The following IL17RE variants were observed in gnomAD, a reference collection of about 807,000 sequenced individuals.
IL17RE encodes the protein interleukin-17 receptor E.
A neutral mutation model predicts 70.7 loss-of-function variants in IL17RE; 47 were observed. The observed-to-expected ratio is 0.67, with a 90% CI of 0.53 to 0.85. The LOEUF (loss-of-function observed/expected upper bound fraction) is 0.85. Among genes scored for constraint, IL17RE ranks in the 40% least tolerant of loss-of-function variants. The pLI, the probability that IL17RE is intolerant of heterozygous loss-of-function variation, is 0.00. For synonymous variants in IL17RE, 372 were observed against 381.2 expected (o/e 0.98, Z 0.28); for missense variants, 850 against 893.9 (o/e 0.95, Z 0.63).
At chr3:9,908,606 G>A (rs959697727) in intron 7 of IL17RE, among the ~76,000 whole-genome samples, 2 of 152,238 alleles carry the variant, frequency 1.3e-5, no homozygotes, top group African/African-American at 4.8e-5. Flanking sequence ...TGTCATTGCT[G>A]TGTGTTCTGA....
At chr3:9,905,094 C>CAAAAAAAAAAAAAAAA (rs71626946) in intron 3 of IL17RE, among the ~76,000 whole-genome samples, 3 of 56,156 alleles carry the variant, frequency 5.3e-5, no homozygotes, top group African/African-American at 2.1e-4. Flanking sequence ...GACCCTGTCT[C>CAAAAAAAAAAAAAAAA]AAAAAAAAAA....
At chr3:9,903,147 C>T (rs967211809) in intron 1 of IL17RE, 83 bp downstream of exon 1, 18 of 1,286,642 alleles carry the variant, frequency 1.4e-5, no homozygotes, top group South Asian at 6.3e-5. Context: ...GTGCTACCTC[C>T]GCAGTCCCTG....
At chr3:9,907,516 G>A (rs1485199665) in intron 6 of IL17RE, among the ~76,000 whole-genome samples, 6 of 152,180 alleles carry the variant, frequency 3.9e-5, no homozygotes, top group African/African-American at 1.4e-4. Context: ...GAATGACCAT[G>A]AATGAGCAGA....
chr3:9,904,642 C>G (rs1221690273), intron 3 of IL17RE, among the ~76,000 whole-genome samples: 1 of 152,198 alleles, frequency 6.6e-6, no homozygotes, highest in Non-Finnish European at 1.5e-5. Context: ...AAAAAATTAG[C>G]AGGGCCTGGT....
chr3:9,909,388 CAT>C (rs1238141759), intron 8 of IL17RE, 105 bp downstream of exon 8: 10 of 1,056,644 alleles, frequency 9.5e-6, no homozygotes, highest in Non-Finnish European at 1.4e-5. Context: ...GCACTTCACA[CAT>C]GTGCTGGGGG....
intron 12 of IL17RE, among the ~76,000 whole-genome samples, chr3:9,912,087 T>C (rs571397440): frequency 2.6e-5 from 4 of 152,278 alleles, no homozygotes; most frequent in African/African-American, 9.6e-5. Context: ...CTGCCTGAGC[T>C]CTGCCTCCTG....
At chr3:9,913,460 A>C (rs564929238) in intron 12 of IL17RE, among the ~76,000 whole-genome samples, 1 of 152,228 alleles carries the variant, frequency 6.6e-6, no homozygotes. Flanking sequence ...AATTAAAATA[A>C]AAATGAGGGA....
chr3:9,904,075 C>G lies in IL17RE; in HGVS notation c.192C>G (p.Phe64Leu). Residue 64 changes from phenylalanine (F) to leucine (L), a missense_variant, in exon 3 of 16, where the codon TTC becomes TTG. Transcript: ENST00000383814. Reference protein sequence around the residue: ...YIPCRTWWALFSTKPWCVRVW... With the variant: ...YIPCRTWWALLSTKPWCVRVW... ...CTTGCCGCACCTGGTGGGCCCTCTT[C>G]TCCACAAAGCCTTGGTGTGTGCGAG... is the stretch of plus-strand genomic sequence containing the variant. 3 of 1,614,208 alleles carry G rather than the reference C, an allele frequency of 1.9e-6. No individual in the cohort carries two copies. The highest frequency in any genetic ancestry group is 2.5e-6 in the Non-Finnish European group (3 of 1,180,032).
chr3:9,915,543 G>A lies in IL17RE; in HGVS notation c.1740G>A (p.Leu580=). The change falls in exon 16 of 16, where the codon CTG becomes CTA. Residue 580 remains leucine (L), a synonymous_variant. Transcript: ENST00000383814. The surrounding 1 kb of genome is among the most constrained non-coding windows in gnomAD (Gnocchi z 4.9). ...CCCGCGCCGCGCCCCTGCTCGCCCT[G>A]CTCCACGCTGCCCCGCGCCCGCTGC... is the stretch of plus-strand genomic sequence containing the variant. ...PDPRAAPLLA[L]LHAAPRPLLL... is the part of the protein sequence containing the mutation. The A allele has an allele frequency of 2.2e-6, 3 of 1,385,110 alleles. No individual in the cohort carries two copies. Among genetic ancestry groups the A allele is most frequent in the Non-Finnish European group, 1.9e-6 (2 of 1,072,570 alleles). The allele number at this position is 1,385,110 out of a possible 1,614,324, so 85.8% of individuals were successfully genotyped here. A position where few individuals can be genotyped will look rare whatever the true frequency, so the allele number is the denominator to read the frequency against.
At position 9,904,231 on chromosome 3, in the gene IL17RE, A is replaced by C. The variant is rs1000797285; in HGVS notation, c.268+80A>C. 10 of 1,508,840 alleles carry C rather than the reference A, an allele frequency of 6.6e-6. No individual in the cohort carries two copies. In the African/African-American group the frequency reaches 8.2e-5, roughly 12 times the overall value. The allele number at this position is 1,508,840 out of a possible 1,614,324, so 93.5% of individuals were successfully genotyped here. A position where few individuals can be genotyped will look rare whatever the true frequency, so the allele number is the denominator to read the frequency against. ...CACCTAGGCTGAGCAAGTGGGACTT[A>C]CTAGAACAGATATTTGTCTTGTTTT... On this transcript the variant is annotated intron_variant, in intron 3 of 15. Coordinates refer to ENST00000383814, the MANE Select transcript of IL17RE (RefSeq NM_153480.2).
chr3:9,911,548 C>A lies in IL17RE; in HGVS notation c.1178C>A (p.Pro393Gln), dbSNP rs982134722. 1 of 1,614,220 alleles carries A rather than the reference C, an allele frequency of 6.2e-7. No individual in the cohort carries two copies. The highest frequency in any genetic ancestry group is 1.3e-5 in the African/African-American group (1 of 75,068). Residue 393 changes from proline (P) to glutamine (Q), a missense_variant, in exon 12 of 16, where the codon CCA (proline) becomes CAA (glutamine). Pro to Gln is a moderately conservative substitution (Grantham distance 76). Transcript: ENST00000383814. Reference sequence around the variant, plus strand: ...ACCTTCAGTGCTGCCTGGAGCCTCCCAGGCTTGGGGCAGGACACTTTGGTG... The same window carrying A: ...ACCTTCAGTGCTGCCTGGAGCCTCCAAGGCTTGGGGCAGGACACTTTGGTG... ...HATFSAAWSL[P>Q]GLGQDTLVPP...
rs535085174 is a variant in IL17RE, at chr3:9,909,588, C to G, written c.802+305C>G. 48 of 360,126 alleles carry G rather than the reference C, an allele frequency of 1.3e-4. No individual in the cohort carries two copies. In the South Asian group the frequency reaches 2.8e-3, roughly 21 times the overall value. The allele number at this position is 360,126 out of a possible 1,614,324, so 22.3% of individuals were successfully genotyped here. ...GGGCCAGAAGACCCAGTTCCCATCA[C>G]AGCTCTGTCAATTGTTCTTCTCTGA... On this transcript the variant is annotated intron_variant, in intron 8 of 15. Transcript: ENST00000383814.
upstream of IL17RE, chr3:9,902,611 A>G (rs1199162315): frequency 2.0e-6 from 3 of 1,535,982 alleles, no homozygotes; most frequent in Non-Finnish European, 2.6e-6. Flanking sequence ...AGGAGGGGCT[A>G]AGAAATGGGT....
intron 8 of IL17RE, 60 bp downstream of exon 8, chr3:9,909,343 AC>A: frequency 7.3e-7 from 1 of 1,368,968 alleles, no homozygotes; most frequent in Non-Finnish European, 1.0e-6. Flanking sequence ...TCTGTCTCCT[AC>A]ACACACATGT....
At chr3:9,906,495 G>A (rs368501756) in intron 4 of IL17RE, 34 bp downstream of exon 4, 23 of 1,502,292 alleles carry the variant, frequency 1.5e-5, no homozygotes, top group Middle Eastern at 1.8e-4. Context: ...CCTACCTGAC[G>A]CCCCACAGAC....
intron 12 of IL17RE, among the ~76,000 whole-genome samples, chr3:9,912,695 A>G (rs536174839): frequency 6.6e-6 from 1 of 152,318 alleles, no homozygotes; most frequent in South Asian, 2.1e-4. Flanking sequence ...CAGACAGGTG[A>G]TAGCAACACA....
In IL17RE at chr3:9,903,079, C is replaced by T. The variant is rs766335973; in HGVS notation, c.132+15C>T. 1.9e-6 allele frequency: 3 copies of T among 1,606,180 alleles called. No homozygotes were observed. The East Asian group carries it at 6.7e-5, about 36-fold the overall frequency. ...CCTCCCACACGGTAAGGTGCTGCTG[C>T]CAGGTAGGGACACCTGCCTGGCACA... On this transcript the variant is annotated intron_variant, in intron 1 of 15. Transcript: ENST00000383814.
chr3:9,904,068 C>G lies in IL17RE; in HGVS notation c.185C>G (p.Ala62Gly). The change falls in exon 3 of 16, where the codon GCC becomes GGC. Residue 62 changes from alanine to glycine, a missense_variant. Physicochemically the swap from Ala to Gly is moderately conservative, Grantham distance 60 (BLOSUM62 0). Coordinates refer to ENST00000383814, the MANE Select transcript of IL17RE (RefSeq NM_153480.2). ...SAYIPCRTWW[A>G]LFSTKPWCVR... ...TATATCCCTTGCCGCACCTGGTGGG[C>G]CCTCTTCTCCACAAAGCCTTGGTGT... 2 of 1,614,198 alleles carry G rather than the reference C, an allele frequency of 1.2e-6. No homozygotes were observed. The highest frequency in any genetic ancestry group is 1.7e-6 in the Non-Finnish European group (2 of 1,180,022).
chr3:9,905,788 C>A (rs2082739492), intron 3 of IL17RE, among the ~76,000 whole-genome samples: 1 of 152,090 alleles, frequency 6.6e-6, no homozygotes, highest in African/African-American at 2.4e-5. Context: ...CCGCTGCACT[C>A]CAGCCTGCGT....
Sources: allele counts gnomAD v4.1 joint callset (sites outside exome capture counted in the v4.1 genomes callset), GRCh38; gene constraint gnomAD v4.1.1; non-coding constraint Gnocchi (gnomAD v3.1); transcripts MANE v1.5; gene names NCBI Gene and HGNC (gene_info 2026-07-23, HGNC 2026-07-21).